Variants in NOLC1 observed in about 807,000 individuals in gnomAD.
The protein encoded by NOLC1 is nucleolar and coiled-body phosphoprotein 1.
Under a neutral mutation model 73.4 loss-of-function variants are expected in NOLC1, and 37 were observed. The observed-to-expected ratio is 0.50, with a 90% CI of 0.39 to 0.66. The LOEUF (loss-of-function observed/expected upper bound fraction) is 0.66. Ranked by LOEUF, NOLC1 falls within the 30% of genes least tolerant of loss-of-function variation. NOLC1 has a pLI of 0.00. For missense variants in NOLC1, 921 were observed against 838.9 expected, an observed-to-expected ratio of 1.10 and a Z score of -1.21; for synonymous variants, 327 against 302.6, an observed-to-expected ratio of 1.08 and a Z score of -0.84.
intron 9 of NOLC1, 34 bp from the exon 10 acceptor site, chr10:102,160,418 G>T: frequency 6.2e-7 from 1 of 1,612,306 alleles, no homozygotes; most frequent in Non-Finnish European, 8.5e-7. Flanking sequence ...AATCCAATTT[G>T]GGGAGCTGTT....
rs1024246393 is a variant in NOLC1 at position 102,163,245 on chromosome 10, T to TG, written c.*982dup. The TG allele has an allele frequency of 1.3e-5, 2 of 151,616 alleles. No homozygotes were observed. Among genetic ancestry groups the TG allele is most frequent in the Non-Finnish European group, 2.9e-5 (2 of 67,826 alleles). 9.4% of individuals were successfully genotyped at this position (151,616 alleles called of 1,614,324 possible). On this transcript the variant is annotated 3_prime_UTR_variant, in exon 13 of 13. Coordinates refer to ENST00000605788, the MANE Select transcript of NOLC1 (RefSeq NM_004741.5). The stretch of plus-strand genomic sequence containing the variant: ...GGTTGAGAATCACTGATCAAGAAAG[T>TG]GGGGGGAAAAAAAACAAACGTTAAA...
At chr10:102,154,908 T>C (rs2069565566) in intron 1 of NOLC1, among the ~76,000 whole-genome samples, 1 of 151,998 alleles carries the variant, frequency 6.6e-6, no homozygotes, top group South Asian at 2.1e-4. Flanking sequence ...CAGGCTGGAG[T>C]AAAGTGATGC....
intron 1 of NOLC1, among the ~76,000 whole-genome samples, chr10:102,154,894 C>T (rs774086298): frequency 6.6e-6 from 1 of 151,848 alleles, no homozygotes; most frequent in East Asian, 1.9e-4. Flanking sequence ...CTCACTCTGT[C>T]GCCCAGGCTG....
chr10:102,160,308 CAAAG>C lies in NOLC1; in HGVS notation c.1069_1072del (p.Lys357GlnfsTer43). The C allele has an allele frequency of 6.2e-7, 1 of 1,614,238 alleles. No homozygotes were observed. Among genetic ancestry groups the C allele is most frequent in the Non-Finnish European group, 8.5e-7 (1 of 1,180,044 alleles). ...AAAGCAACCACTAAACCACCTCCAGCAAAGAAAGCAGCAGAGAGCTCTTCAGACA... is the reference window on the plus strand; with the variant it reads ...AAAGCAACCACTAAACCACCTCCAGCAAAGCAGCAGAGAGCTCTTCAGACA... On this transcript the variant is annotated frameshift_variant, in exon 9 of 13. Transcript: ENST00000605788. LOFTEE classifies it high-confidence loss of function.
chr10:102,162,427 T>C lies in NOLC1; in HGVS notation c.*158T>C. ...TACAGTGTAACATCCTCTCTGGTCCTTTTCTGTGTTCCTAGTTTTGTACAG... is the reference window on the plus strand; with the variant it reads ...TACAGTGTAACATCCTCTCTGGTCCCTTTCTGTGTTCCTAGTTTTGTACAG... On this transcript the variant is annotated 3_prime_UTR_variant, in exon 13 of 13. Coordinates refer to ENST00000605788, the MANE Select transcript of NOLC1 (RefSeq NM_004741.5). 4.8e-6 allele frequency: 3 copies of C among 618,648 alleles called. No individual in the cohort carries two copies. In the Admixed American group the frequency reaches 1.0e-4, roughly 21 times the overall value. The allele number at this position is 618,648 out of a possible 1,614,324, so 38.3% of individuals were successfully genotyped here. A position where few individuals can be genotyped will look rare whatever the true frequency, so the allele number is the denominator to read the frequency against.
chr10:102,159,791 C>A, intron 7 of NOLC1, 105 bp from the exon 8 acceptor site: 1 of 1,226,856 alleles, frequency 8.2e-7, no homozygotes, highest in Non-Finnish European at 1.1e-6. Flanking sequence ...TTGATTCTGG[C>A]CCATACTCAA....
chr10:102,159,094 A>AATT, intron 5 of NOLC1, 99 bp from the exon 6 acceptor site: 1 of 724,782 alleles, frequency 1.4e-6, no homozygotes, highest in Non-Finnish European at 2.1e-6. Flanking sequence ...AAAAAAAAAA[A>AATT]TGGTGGACTC....
At position 102,162,774 on chromosome 10, in the gene NOLC1, A is replaced by C. The variant is rs2069735368; in HGVS notation, c.*505A>C. The C allele has an allele frequency of 1.3e-5, 2 of 152,768 alleles. No homozygotes were observed. Among genetic ancestry groups the C allele is most frequent in the African/African-American group, 4.8e-5 (2 of 41,468 alleles). The allele number at this position is 152,768 out of a possible 1,614,324, so 9.5% of individuals were successfully genotyped here. ...CTCAAAACCCTAGAGAGGGGCATTA[A>C]AGAATTGTTGATGTATATGCAATGT... is the stretch of plus-strand genomic sequence containing the variant. On this transcript the variant is annotated 3_prime_UTR_variant, in exon 13 of 13. Transcript: ENST00000605788.
At chr10:102,156,719 C>T (rs2069601368) in intron 1 of NOLC1, among the ~76,000 whole-genome samples, 1 of 152,136 alleles carries the variant, frequency 6.6e-6, no homozygotes, top group Non-Finnish European at 1.5e-5. Context: ...AAGCATGAGC[C>T]ACCGTGACTG....
chr10:102,160,512 C>T lies in NOLC1; in HGVS notation c.1160C>T (p.Ser387Phe), dbSNP rs1262348740. 6.2e-7 allele frequency: 1 copy of T among 1,614,108 alleles called. No homozygotes were observed. The highest frequency in any genetic ancestry group is 8.5e-7 in the Non-Finnish European group (1 of 1,180,050). The change falls in exon 10 of 13, where the codon TCT becomes TTT. Residue 387 changes from serine (S) to phenylalanine (F), a missense_variant. Coordinates refer to ENST00000605788, the MANE Select transcript of NOLC1 (RefSeq NM_004741.5). The part of the protein sequence containing the change: ...PSKPAGTTKN[S>F]SNKPAVTTKS... Reference sequence around the variant, plus strand: ...AAGCCAGCTGGTACCACCAAGAATTCTTCAAATAAGCCAGCTGTCACCACC... The same window carrying T: ...AAGCCAGCTGGTACCACCAAGAATTTTTCAAATAAGCCAGCTGTCACCACC...
Position 102,160,822 on chromosome 10 carries a change from T to G in NOLC1, c.1470T>G (p.Val490=). 6.2e-7 allele frequency: 1 copy of G among 1,614,048 alleles called. No individual in the cohort carries two copies. The highest frequency in any genetic ancestry group is 1.1e-5 in the South Asian group (1 of 91,080). ...EEEEKTSKSA[V]KKKPQKVAGG... is the part of the protein sequence containing the mutation. ...AAGAGAAGACATCTAAGTCTGCAGT[T>G]AAGAAGAAGCCACAGAAGGTAGCAG... Residue 490 remains valine (V), a synonymous_variant, in exon 10 of 13, where the codon GTT becomes GTG. Coordinates refer to ENST00000605788, the MANE Select transcript of NOLC1 (RefSeq NM_004741.5).
intron 1 of NOLC1, among the ~76,000 whole-genome samples, chr10:102,154,929 C>T (rs897789615): frequency 6.6e-6 from 1 of 152,102 alleles, no homozygotes; most frequent in South Asian, 2.1e-4. Context: ...AATCATACTT[C>T]GCTGTAGCAT....
At chr10:102,159,091 A>T in intron 5 of NOLC1, 102 bp from the exon 6 acceptor site, 1 of 1,036,972 alleles carries the variant, frequency 9.6e-7, no homozygotes, top group African/African-American at 1.7e-5. Flanking sequence ...AAAAAAAAAA[A>T]AAATGGTGGA....
intron 1 of NOLC1, 89 bp downstream of exon 1, chr10:102,152,619 T>G (rs1387479010): frequency 5.7e-6 from 9 of 1,566,498 alleles, no homozygotes; most frequent in Non-Finnish European, 7.8e-6. Flanking sequence ...TGGGGAAGTC[T>G]GGGGGTCCGC....
chr10:102,156,401 C>T (rs756379525), intron 1 of NOLC1, among the ~76,000 whole-genome samples: 3 of 151,558 alleles, frequency 2.0e-5, no homozygotes, highest in Non-Finnish European at 2.9e-5. Flanking sequence ...AGATAACAGG[C>T]ATAAGCCACT....
intron 1 of NOLC1, among the ~76,000 whole-genome samples, chr10:102,153,075 G>C (rs1590372077): frequency 6.6e-6 from 1 of 152,244 alleles, no homozygotes; most frequent in South Asian, 2.1e-4. Flanking sequence ...CTACCAAGTA[G>C]GCATAGTAGT....
Position 102,162,226 on chromosome 10 carries a change from C to CA in NOLC1, c.2059dup (p.Ile687AsnfsTer9). ...AAGCGGGGCAGCTACCGGGGAGGCT[C>CA]AATCTCTGTCCAGGTCAATTCTATT... On this transcript the variant is annotated frameshift_variant, in exon 13 of 13. Coordinates refer to ENST00000605788, the MANE Select transcript of NOLC1 (RefSeq NM_004741.5). LOFTEE classifies it high-confidence loss of function. 6.2e-7 allele frequency: 1 copy of CA among 1,614,104 alleles called. No homozygotes were observed. Among genetic ancestry groups the CA allele is most frequent in the Non-Finnish European group, 8.5e-7 (1 of 1,180,014 alleles).
Position 102,160,981 on chromosome 10 carries a change from C to T in NOLC1, c.1629C>T (p.Ala543=). The T allele has an allele frequency of 1.2e-6, 2 of 1,614,088 alleles. No individual in the cohort carries two copies. Among genetic ancestry groups the T allele is most frequent in the Non-Finnish European group, 1.7e-6 (2 of 1,180,016 alleles). ...LKGKGSPRPQ[A]PKANGTSALT... is the part of the protein sequence containing the mutation. ...GCAAGGGCTCTCCAAGACCACAAGCCCCCAAGGCCAATGGCACCTCTGCAC... is the reference window on the plus strand; with the variant it reads ...GCAAGGGCTCTCCAAGACCACAAGCTCCCAAGGCCAATGGCACCTCTGCAC... Residue 543 remains alanine (A), a synonymous_variant, in exon 10 of 13, where the codon GCC becomes GCT. Coordinates refer to ENST00000605788, the MANE Select transcript of NOLC1 (RefSeq NM_004741.5).
At position 102,162,126 on chromosome 10, in the gene NOLC1, G is replaced by C. The variant is rs2069720443; in HGVS notation, c.1957G>C (p.Asp653His). ...SFDAKRGAAGDWGERANQVLK... is the reference protein window; with the variant it reads ...SFDAKRGAAGHWGERANQVLK... ...TACTTACCAGCGAGGTGCAGCCGGA[G>C]ACTGGGGAGAGCGAGCCAATCAGGT... Residue 653 changes from aspartate to histidine, a missense_variant, in exon 13 of 13, where the codon GAC becomes CAC. By Grantham distance (81) the Asp-to-His change is moderately conservative. Transcript: ENST00000605788. The C allele has an allele frequency of 6.2e-7, 1 of 1,613,832 alleles. No homozygotes were observed. Among genetic ancestry groups the C allele is most frequent in the African/African-American group, 1.3e-5 (1 of 74,906 alleles).
Sources: gnomAD v4.1 joint callset for allele counts (sites outside exome capture counted in the v4.1 genomes callset) on GRCh38, gnomAD v4.1.1 for gene constraint, MANE v1.5 for transcripts, NCBI Gene and HGNC (gene_info 2026-07-23, HGNC 2026-07-21) for gene names.